Variants in GALNT13 observed in about 807,000 individuals in gnomAD.
GALNT13 encodes the protein UDP-GalNAc:polypeptide N-acetylgalactosaminyltransferase 13.
In GALNT13, 28 loss-of-function variants were observed where a neutral mutation model predicts 64.2. That is an observed-to-expected ratio of 0.44 (90% CI 0.32 to 0.60). The LOEUF (loss-of-function observed/expected upper bound fraction) is 0.60. Among genes scored for constraint, GALNT13 ranks in the 20% least tolerant of loss-of-function variants. The pLI, the probability that GALNT13 is intolerant of heterozygous loss-of-function variation, is 0.05. For synonymous variants in GALNT13, 214 were observed against 224.6 expected (o/e 0.95, Z 0.42); for missense variants, 577 against 669.8 (o/e 0.86, Z 1.53).
the GALNT13 span, among the ~76,000 whole-genome samples, chr2:153,596,773 G>GTA: frequency 2.0e-5 from 3 of 151,954 alleles, no homozygotes; most frequent in Non-Finnish European, 4.4e-5. Context: ...ATACACATAT[G>GTA]TATATATGTG....
intron 9 of GALNT13, among the ~76,000 whole-genome samples, chr2:154,331,975 G>A (rs1028182512): frequency 6.6e-6 from 1 of 152,072 alleles, no homozygotes; most frequent in Admixed American, 6.6e-5. Context: ...AATTTGAATA[G>A]CAATGTGCTG....
intron 2 of GALNT13, among the ~76,000 whole-genome samples, chr2:153,938,619 A>G (rs1294875656): frequency 1.3e-5 from 2 of 152,170 alleles, no homozygotes; most frequent in Non-Finnish European, 2.9e-5. Context: ...AACAACAGAA[A>G]TATATTTTCT....
chr2:153,201,243 G>C, the GALNT13 span, among the ~76,000 whole-genome samples: 51 of 152,112 alleles, frequency 3.4e-4, no homozygotes, highest in Non-Finnish European at 3.7e-4. Flanking sequence ...CCTCACCTTG[G>C]ATTCTGCTGC....
At chr2:153,424,816 T>C in the GALNT13 span, among the ~76,000 whole-genome samples, 4 of 151,828 alleles carry the variant, frequency 2.6e-5, no homozygotes, top group East Asian at 5.8e-4. Flanking sequence ...TCAGCACTGT[T>C]TGTAAAAGCA....
the GALNT13 span, among the ~76,000 whole-genome samples, chr2:153,772,363 G>A: frequency 6.6e-6 from 1 of 152,310 alleles, no homozygotes; most frequent in Admixed American, 6.5e-5. Context: ...GGGCTTCAGA[G>A]GAACTAGGTG....
the GALNT13 span, among the ~76,000 whole-genome samples, chr2:153,783,881 T>C: frequency 1.3e-5 from 2 of 152,108 alleles, no homozygotes; most frequent in South Asian, 4.1e-4. Flanking sequence ...GAACTGTGAG[T>C]CAATTAAACC....
At chr2:154,412,702 TC>T (rs1450767053) in intron 11 of GALNT13, among the ~76,000 whole-genome samples, 3 of 151,762 alleles carry the variant, frequency 2.0e-5, no homozygotes, top group Non-Finnish European at 4.4e-5. Context: ...CACTCAGATT[TC>T]CCAGCAAAAT....
At chr2:154,086,162 A>T (rs1574474425) in intron 3 of GALNT13, among the ~76,000 whole-genome samples, 1 of 148,282 alleles carries the variant, frequency 6.7e-6, no homozygotes, top group East Asian at 1.9e-4. Context: ...TATAGAATAC[A>T]TATAATACAT....
At chr2:153,983,644 A>G (rs1217439310) in intron 3 of GALNT13, among the ~76,000 whole-genome samples, 2 of 151,954 alleles carry the variant, frequency 1.3e-5, no homozygotes, top group South Asian at 2.1e-4. Context: ...GAAAAATTAA[A>G]ATGAGATTCC....
the GALNT13 span, among the ~76,000 whole-genome samples, chr2:153,802,617 G>A: frequency 2.6e-5 from 4 of 152,160 alleles, no homozygotes; most frequent in Non-Finnish European, 1.5e-5. Context: ...GGATATGGAT[G>A]CCAATTTCAT....
At chr2:153,082,618 TACACACACACACACACACACACAC>T in the GALNT13 span, among the ~76,000 whole-genome samples, 507 of 30,138 alleles carry the variant, frequency 0.017, 33 homozygotes, top group African/African-American at 0.068. Context: ...TATATATATA[TACACACACACACACACACACACAC>T]ACACACACAC....
upstream of GALNT13, among the ~76,000 whole-genome samples, chr2:153,867,116 T>C (rs1353534921): frequency 6.6e-6 from 1 of 152,208 alleles, no homozygotes; most frequent in Non-Finnish European, 1.5e-5. Flanking sequence ...ATATATGAAA[T>C]AGAATTACTT....
At chr2:153,459,764 A>C in the GALNT13 span, among the ~76,000 whole-genome samples, 1 of 152,192 alleles carries the variant, frequency 6.6e-6, no homozygotes, top group African/African-American at 2.4e-5. Context: ...GTATTTATAG[A>C]AGTTTTGCAT....
At chr2:153,256,691 G>A in the GALNT13 span, among the ~76,000 whole-genome samples, 1 of 151,936 alleles carries the variant, frequency 6.6e-6, no homozygotes, top group Non-Finnish European at 1.5e-5. Context: ...AGACATGCAG[G>A]TCTGTTGGAG....
chr2:154,170,814 A>G (rs1685306143), intron 4 of GALNT13, among the ~76,000 whole-genome samples: 1 of 152,216 alleles, frequency 6.6e-6, no homozygotes, highest in Admixed American at 6.6e-5. Flanking sequence ...AAATGTCCCT[A>G]CAATAGAATT....
chr2:153,733,728 G>T, the GALNT13 span, among the ~76,000 whole-genome samples: 1 of 152,190 alleles, frequency 6.6e-6, no homozygotes, highest in Admixed American at 6.6e-5. Flanking sequence ...ATGGTGGAAA[G>T]TGGAAGCCAC....
the GALNT13 span, among the ~76,000 whole-genome samples, chr2:153,223,488 T>C: frequency 6.6e-6 from 1 of 152,172 alleles, no homozygotes; most frequent in Non-Finnish European, 1.5e-5. Context: ...TATGTTATGA[T>C]ACCACAATGC....
intron 8 of GALNT13, among the ~76,000 whole-genome samples, chr2:154,294,816 C>G (rs1425155029): frequency 6.6e-6 from 1 of 152,172 alleles, no homozygotes; most frequent in East Asian, 1.9e-4. Flanking sequence ...TCAGATTCTT[C>G]TTGGCCTGCA....
At chr2:154,125,158 C>CT (rs1682182581) in intron 3 of GALNT13, among the ~76,000 whole-genome samples, 1 of 152,094 alleles carries the variant, frequency 6.6e-6, no homozygotes, top group African/African-American at 2.4e-5. Context: ...CAGTGCCTAG[C>CT]ACATGAGCAC....
Sources: allele counts gnomAD v4.1 joint callset (sites outside exome capture counted in the v4.1 genomes callset), GRCh38; gene constraint gnomAD v4.1.1; transcripts MANE v1.5; gene names NCBI Gene and HGNC (gene_info 2026-07-23, HGNC 2026-07-21).